IGSF5: variants seen among roughly 807,000 people sequenced by gnomAD.
IGSF5 encodes immunoglobulin superfamily member 5.
Under a neutral mutation model 39.4 loss-of-function variants are expected in IGSF5, and 41 were observed. The observed-to-expected ratio is 1.04, with a 90% CI of 0.81 to 1.35. The LOEUF is 1.35. IGSF5 is among the 40% of genes most tolerant of loss of function. IGSF5 has a pLI of 0.00. For synonymous variants in IGSF5, 183 were observed against 175.3 expected, an observed-to-expected ratio of 1.04 and a Z score of -0.34; for missense variants, 487 against 494.6, an observed-to-expected ratio of 0.98 and a Z score of 0.15.
Position 39,770,924 on chromosome 21 carries a change from G to A in IGSF5, c.427G>A (p.Glu143Lys). Reference protein sequence around the residue: ...SAYLTVQVMGELFIPSVNLVV... With the variant: ...SAYLTVQVMGKLFIPSVNLVV... ...TCTCTTTTCTTCTTTAGTTATGGGA[G>A]AGCTGTTCATTCCCAGTGTTAATCT... The change falls in exon 4 of 9, where the codon GAG (glutamate) becomes AAG (lysine). Residue 143 changes from glutamate (E) to lysine (K), a missense_variant. Transcript: ENST00000380588. 1 of 1,548,824 alleles carries A rather than the reference G, an allele frequency of 6.5e-7. No individual in the cohort carries two copies. Among genetic ancestry groups the A allele is most frequent in the Non-Finnish European group, 8.7e-7 (1 of 1,144,018 alleles).
chr21:39,744,553 A>G (rs2079963215), upstream of IGSF5, among the ~76,000 whole-genome samples: 1 of 152,218 alleles, frequency 6.6e-6, no homozygotes, highest in Admixed American at 6.5e-5. Context: ...GGGAGGAACC[A>G]TCTATCATCC....
intron 6 of IGSF5, among the ~76,000 whole-genome samples, chr21:39,789,685 C>T (rs16998498): frequency 0.044 from 6,743 of 152,052 alleles, 524 homozygotes; most frequent in African/African-American, 0.15. Flanking sequence ...AAGATAGGCA[C>T]AAGAAATAGT....
intron 2 of IGSF5, among the ~76,000 whole-genome samples, chr21:39,748,594 T>C (rs2079988001): frequency 6.6e-6 from 1 of 152,112 alleles, no homozygotes; most frequent in Non-Finnish European, 1.5e-5. Context: ...TATAAGGACC[T>C]GAGTCCCATC....
At chr21:39,738,859 C>G in the IGSF5 span, among the ~76,000 whole-genome samples, 1 of 151,764 alleles carries the variant, frequency 6.6e-6, no homozygotes, top group Non-Finnish European at 1.5e-5. The surrounding 1 kb of genome is among the most constrained non-coding windows in gnomAD (Gnocchi z 6.4). Flanking sequence ...AATTTATGCC[C>G]TCCTCTCTGG....
At position 39,801,480 on chromosome 21, in the gene IGSF5, C is replaced by T. The variant is rs554399553; in HGVS notation, c.*123C>T. 7.6e-5 allele frequency: 51 copies of T among 668,318 alleles called. No homozygotes were observed. Among genetic ancestry groups the T allele is most frequent in the Middle Eastern group, 3.4e-4 (1 of 2,958 alleles). 41.4% of individuals were successfully genotyped at this position (668,318 alleles called of 1,614,324 possible). ...CCAACATTACCTGAAGAGGAGATGTCGGAGTCATCAGAACTGATACTTGAC... is the reference window on the plus strand; with the variant it reads ...CCAACATTACCTGAAGAGGAGATGTTGGAGTCATCAGAACTGATACTTGAC... On this transcript the variant is annotated 3_prime_UTR_variant, in exon 9 of 9. Transcript: ENST00000380588.
intron 4 of IGSF5, among the ~76,000 whole-genome samples, chr21:39,775,995 T>A (rs887925661): frequency 6.6e-6 from 1 of 152,176 alleles, no homozygotes; most frequent in African/African-American, 2.4e-5. Context: ...AGTCACTCTG[T>A]CCTGAGCGTC....
At position 39,801,489 on chromosome 21, in the gene IGSF5, C is replaced by T; in HGVS notation, c.*132C>T. 1 of 598,332 alleles carries T rather than the reference C, an allele frequency of 1.7e-6. No homozygotes were observed. Among genetic ancestry groups the T allele is most frequent in the Non-Finnish European group, 3.0e-6 (1 of 338,618 alleles). The allele number at this position is 598,332 out of a possible 1,614,324, so 37.1% of individuals were successfully genotyped here. A position where few individuals can be genotyped will look rare whatever the true frequency, so the allele number is the denominator to read the frequency against. Reference sequence around the variant, plus strand: ...CCTGAAGAGGAGATGTCGGAGTCATCAGAACTGATACTTGACAGTGAGAGA... The same window carrying T: ...CCTGAAGAGGAGATGTCGGAGTCATTAGAACTGATACTTGACAGTGAGAGA... On this transcript the variant is annotated 3_prime_UTR_variant, in exon 9 of 9. Transcript: ENST00000380588.
chr21:39,718,423 T>G, the IGSF5 span, among the ~76,000 whole-genome samples: 1 of 152,326 alleles, frequency 6.6e-6, no homozygotes, highest in East Asian at 1.9e-4. Flanking sequence ...TCTTGTCTTG[T>G]GCTGATTTTC....
At chr21:39,796,354 A>T (rs893400985) in intron 8 of IGSF5, among the ~76,000 whole-genome samples, 20 of 152,166 alleles carry the variant, frequency 1.3e-4, no homozygotes, top group Non-Finnish European at 2.9e-5. Context: ...TGCCAGGCCT[A>T]TGTCACCAGG....
intron 3 of IGSF5, among the ~76,000 whole-genome samples, chr21:39,766,509 C>G (rs1401090388): frequency 6.6e-6 from 1 of 152,174 alleles, no homozygotes; most frequent in Non-Finnish European, 1.5e-5. Flanking sequence ...ACTTATTTCT[C>G]TACCCTGCCT....
chr21:39,727,160 A>G, the IGSF5 span, among the ~76,000 whole-genome samples: 3 of 152,318 alleles, frequency 2.0e-5, no homozygotes, highest in East Asian at 5.8e-4. Flanking sequence ...CTAGTGACCC[A>G]CTAGTAGAAT....
intron 8 of IGSF5, among the ~76,000 whole-genome samples, chr21:39,797,583 C>T (rs1026889610): frequency 6.6e-6 from 1 of 152,148 alleles, no homozygotes; most frequent in South Asian, 2.1e-4. Context: ...GTGGCACGAT[C>T]ATAGCTCACT....
intron 2 of IGSF5, among the ~76,000 whole-genome samples, chr21:39,756,991 C>G (rs2080033861): frequency 6.6e-6 from 1 of 152,046 alleles, no homozygotes; most frequent in Non-Finnish European, 1.5e-5. Context: ...TCCACCCACC[C>G]CTGTCTGCCA....
At chr21:39,791,120 T>A (rs1360651397) in intron 6 of IGSF5, among the ~76,000 whole-genome samples, 1 of 152,166 alleles carries the variant, frequency 6.6e-6, no homozygotes, top group East Asian at 1.9e-4. Flanking sequence ...AGGTAGCGTA[T>A]CTTCAGCTTT....
chr21:39,779,975 A>G (rs930351335), intron 5 of IGSF5, among the ~76,000 whole-genome samples: 2 of 152,206 alleles, frequency 1.3e-5, no homozygotes, highest in East Asian at 1.9e-4. Flanking sequence ...CTGTAGATCT[A>G]CTGTACAGCA....
chr21:39,756,547 G>A (rs1030553957), intron 2 of IGSF5, among the ~76,000 whole-genome samples: 1 of 152,202 alleles, frequency 6.6e-6, no homozygotes, highest in Non-Finnish European at 1.5e-5. Context: ...TGGAGGGACG[G>A]GTGGACGAGA....
intron 2 of IGSF5, among the ~76,000 whole-genome samples, chr21:39,761,693 G>A (rs2080062332): frequency 6.6e-6 from 1 of 152,064 alleles, no homozygotes; most frequent in Non-Finnish European, 1.5e-5. Context: ...TTTTGAGACA[G>A]AGTCTTGCTC....
chr21:39,764,496 C>T (rs187090187), intron 2 of IGSF5, among the ~76,000 whole-genome samples: 57 of 152,294 alleles, frequency 3.7e-4, no homozygotes, highest in East Asian at 1.4e-3. Flanking sequence ...TCCACAACCA[C>T]GCCTGGCTAA....
intron 2 of IGSF5, among the ~76,000 whole-genome samples, chr21:39,747,292 C>CA (rs2079980116): frequency 6.6e-6 from 1 of 152,224 alleles, no homozygotes; most frequent in South Asian, 2.1e-4. Flanking sequence ...GAGACTTATT[C>CA]ACTACCAGAG....
Sources: allele counts gnomAD v4.1 joint callset (sites outside exome capture counted in the v4.1 genomes callset), GRCh38; gene constraint gnomAD v4.1.1; non-coding constraint Gnocchi (gnomAD v3.1); transcripts MANE v1.5; gene names NCBI Gene and HGNC (gene_info 2026-07-23, HGNC 2026-07-21).